Variants in PARD3 observed in about 807,000 individuals in gnomAD.
PARD3 encodes the protein par-3 family cell polarity regulator.
Under a neutral mutation model 155.4 loss-of-function variants are expected in PARD3, and 75 were observed. The ratio of observed to expected loss-of-function variants is 0.48; its 90% CI spans 0.40 to 0.58. The LOEUF is 0.58. Ranked by LOEUF, PARD3 falls within the 20% of genes least tolerant of loss-of-function variation. The pLI is 0.00. For missense variants in PARD3, 1,642 were observed against 1,721.7 expected, an observed-to-expected ratio of 0.95 and a Z score of 0.82; for synonymous variants, 576 against 610.5, an observed-to-expected ratio of 0.94 and a Z score of 0.83.
intron 1 of PARD3, among the ~76,000 whole-genome samples, chr10:34,731,830 C>T (rs2094823458): frequency 6.6e-6 from 1 of 151,798 alleles, no homozygotes; most frequent in South Asian, 2.1e-4. Flanking sequence ...AATGAGTCTG[C>T]AAATATTTAC....
intron 2 of PARD3, among the ~76,000 whole-genome samples, chr10:34,639,456 T>C (rs1252484752): frequency 6.6e-6 from 1 of 152,116 alleles, no homozygotes; most frequent in Non-Finnish European, 1.5e-5. Context: ...GAATGAAGCA[T>C]TTCATGCCCT....
intron 2 of PARD3, among the ~76,000 whole-genome samples, chr10:34,518,205 G>C (rs568293629): frequency 5.3e-5 from 8 of 152,184 alleles, no homozygotes; most frequent in East Asian, 3.9e-4. Flanking sequence ...TAAGTACATA[G>C]TTAAGTAAAT....
chr10:34,403,516 G>T (rs886985622), intron 5 of PARD3, among the ~76,000 whole-genome samples: 1 of 152,148 alleles, frequency 6.6e-6, no homozygotes, highest in African/African-American at 2.4e-5. Context: ...GGCAAAGCAG[G>T]CAGTAAGGCC....
At chr10:34,593,088 G>A (rs543209078) in intron 2 of PARD3, among the ~76,000 whole-genome samples, 3 of 152,168 alleles carry the variant, frequency 2.0e-5, no homozygotes, top group Non-Finnish European at 2.9e-5. Context: ...ACACAAGTAC[G>A]CCATCAATGT....
In PARD3 at chr10:34,337,500, A is replaced by G. The variant is rs1836317105; in HGVS notation, c.2409-74T>C. 5.8e-6 allele frequency: 5 copies of G among 860,434 alleles called. No homozygotes were observed. In the African/African-American group the frequency reaches 7.0e-5, roughly 12 times the overall value. The allele number at this position is 860,434 out of a possible 1,614,324, so 53.3% of individuals were successfully genotyped here. A position where few individuals can be genotyped will look rare whatever the true frequency, so the allele number is the denominator to read the frequency against. ...GCATCCATTTTAGGGAGGTTCATAC[A>G]TACCTGCAAGTGTAAATATACATAT... is the stretch of plus-strand genomic sequence containing the variant. On this transcript the variant is annotated intron_variant, in intron 16 of 24. Transcript: ENST00000374788.
At chr10:34,607,991 T>G (rs2090598708) in intron 2 of PARD3, among the ~76,000 whole-genome samples, 1 of 152,188 alleles carries the variant, frequency 6.6e-6, no homozygotes, top group South Asian at 2.1e-4. Flanking sequence ...GCCCTGCACT[T>G]TCATTCTGCA....
intron 8 of PARD3, 104 bp from the exon 9 acceptor site, chr10:34,383,026 C>T: frequency 1.5e-6 from 2 of 1,308,574 alleles, no homozygotes; most frequent in Non-Finnish European, 2.1e-6. Flanking sequence ...AACTGACAGG[C>T]TGTTGAAATT....
chr10:34,592,458 A>G (rs2088797121), intron 2 of PARD3, among the ~76,000 whole-genome samples: 1 of 152,160 alleles, frequency 6.6e-6, no homozygotes, highest in South Asian at 2.1e-4. Flanking sequence ...TCCATAGAGC[A>G]CCCCATACAG....
At chr10:34,327,822 G>A (rs1835192979) in intron 19 of PARD3, among the ~76,000 whole-genome samples, 1 of 152,186 alleles carries the variant, frequency 6.6e-6, no homozygotes, top group Non-Finnish European at 1.5e-5. Context: ...CTGTAACTGA[G>A]TTGGACCATC....
intron 1 of PARD3, among the ~76,000 whole-genome samples, chr10:34,709,471 T>C (rs2094418368): frequency 6.6e-6 from 1 of 152,192 alleles, no homozygotes; most frequent in Non-Finnish European, 1.5e-5. Context: ...TCATCTCAAG[T>C]ATTTTAAAGA....
chr10:34,116,559 G>A (rs1946683757), intron 24 of PARD3, among the ~76,000 whole-genome samples: 2 of 152,158 alleles, frequency 1.3e-5, no homozygotes, highest in African/African-American at 2.4e-5. Context: ...ACAGAGTGGG[G>A]CTGCTTTGCA....
intron 1 of PARD3, among the ~76,000 whole-genome samples, chr10:34,719,226 G>A (rs565146274): frequency 2.6e-5 from 4 of 152,204 alleles, no homozygotes; most frequent in South Asian, 4.1e-4. Flanking sequence ...TAATTGTGAC[G>A]TTTGTTCTAA....
chr10:34,184,487 C>G (rs1041426216), intron 22 of PARD3, among the ~76,000 whole-genome samples: 6 of 152,154 alleles, frequency 3.9e-5, no homozygotes, highest in African/African-American at 1.4e-4. Flanking sequence ...TTGCAAAGTG[C>G]TTGTAGATCC....
intron 22 of PARD3, among the ~76,000 whole-genome samples, chr10:34,258,662 C>T (rs1954789549): frequency 6.6e-6 from 1 of 152,000 alleles, no homozygotes; most frequent in South Asian, 2.1e-4. Flanking sequence ...AAACCTTAAC[C>T]AAGAAAAACA....
At chr10:34,659,479 G>A (rs866445467) in intron 2 of PARD3, among the ~76,000 whole-genome samples, 14 of 151,964 alleles carry the variant, frequency 9.2e-5, no homozygotes, top group Admixed American at 6.6e-4. Context: ...TAAAGGAAGT[G>A]CCACTCACAT....
intron 2 of PARD3, among the ~76,000 whole-genome samples, chr10:34,530,817 T>A (rs1309584912): frequency 1.3e-5 from 2 of 152,214 alleles, no homozygotes; most frequent in African/African-American, 4.8e-5. Flanking sequence ...CTGTGTGTAA[T>A]GAGCCTTACA....
intron 3 of PARD3, among the ~76,000 whole-genome samples, chr10:34,507,745 T>G (rs2081175175): frequency 6.6e-6 from 1 of 152,138 alleles, no homozygotes; most frequent in Admixed American, 6.5e-5. Context: ...CCATCTCCAA[T>G]CCAATTAATA....
At chr10:34,117,099 A>C (rs913848401) in intron 24 of PARD3, among the ~76,000 whole-genome samples, 1 of 152,104 alleles carries the variant, frequency 6.6e-6, no homozygotes, top group Non-Finnish European at 1.5e-5. Flanking sequence ...TCTCCCTGGC[A>C]ACTGCCCTGC....
At chr10:34,514,761 T>G (rs1330683130) in intron 3 of PARD3, among the ~76,000 whole-genome samples, 3 of 152,320 alleles carry the variant, frequency 2.0e-5, no homozygotes, top group South Asian at 2.1e-4. Flanking sequence ...GCCAGTCAAA[T>G]GTGGATGGTT....
Sources: gnomAD v4.1 joint callset for allele counts (sites outside exome capture counted in the v4.1 genomes callset) on GRCh38, gnomAD v4.1.1 for gene constraint, MANE v1.5 for transcripts, NCBI Gene and HGNC (gene_info 2026-07-23, HGNC 2026-07-21) for gene names.